Variants in SPTBN4 observed in about 807,000 individuals in gnomAD.
SPTBN4 encodes spectrin beta, non-erythrocytic 4.
In SPTBN4, 96 loss-of-function variants were observed where a neutral mutation model predicts 277.8. That is an observed-to-expected ratio of 0.35 (90% CI 0.29 to 0.41). The LOEUF (loss-of-function observed/expected upper bound fraction) is 0.41. Among genes scored for constraint, SPTBN4 ranks in the 10% least tolerant of loss-of-function variants. The pLI, the probability that SPTBN4 is intolerant of heterozygous loss-of-function variation, is 1.00. For synonymous variants in SPTBN4, 1,481 were observed against 1,580.3 expected, an observed-to-expected ratio of 0.94 and a Z score of 1.49; for missense variants, 3,006 against 3,595.7, an observed-to-expected ratio of 0.84 and a Z score of 4.19.
chr19:40,568,363 G>T lies in SPTBN4; in HGVS notation c.6956+81G>T, dbSNP rs866536174. The T allele has an allele frequency of 1.3e-5, 19 of 1,452,678 alleles. 1 individual carries two copies. In the Middle Eastern group the frequency reaches 2.8e-3, roughly 212 times the overall value. 90.0% of individuals were successfully genotyped at this position (1,452,678 alleles called of 1,614,324 possible). A position where few individuals can be genotyped will look rare whatever the true frequency, so the allele number is the denominator to read the frequency against. Reference sequence around the variant, plus strand: ...TAGAACCCCTCAGGCCCAGTGAAAGGGCTTCAGGGCTCAGAACTTCCCAAA... The same window carrying T: ...TAGAACCCCTCAGGCCCAGTGAAAGTGCTTCAGGGCTCAGAACTTCCCAAA... On this transcript the variant is annotated intron_variant, in intron 31 of 35. Transcript: ENST00000598249.
intron 17 of SPTBN4, among the ~76,000 whole-genome samples, chr19:40,528,404 G>A (rs1228515069): frequency 1.3e-5 from 2 of 152,150 alleles, no homozygotes; most frequent in African/African-American, 4.8e-5. Flanking sequence ...GCTTCTCTGC[G>A]ACTCTGCTGT....
intron 12 of SPTBN4, among the ~76,000 whole-genome samples, chr19:40,505,396 A>AAAAG (rs1373360398): frequency 1.4e-5 from 2 of 145,012 alleles, no homozygotes; most frequent in Admixed American, 6.9e-5. Flanking sequence ...AAAAAAAAAA[A>AAAAG]AAAAAAAAGA....
At chr19:40,498,408 TA>T (rs1452826626) in intron 7 of SPTBN4, among the ~76,000 whole-genome samples, 45 of 150,474 alleles carry the variant, frequency 3.0e-4, no homozygotes, top group African/African-American at 5.6e-4. Context: ...TTTATTTATT[TA>T]TTTATTTATT....
intron 20 of SPTBN4, among the ~76,000 whole-genome samples, chr19:40,541,750 CTTTA>C (rs1454407155): frequency 1.3e-5 from 2 of 151,996 alleles, no homozygotes; most frequent in East Asian, 1.9e-4. Flanking sequence ...CTCTCTGTCT[CTTTA>C]TTTATTTTGA....
chr19:40,571,034 AG>A (rs1222736352), intron 33 of SPTBN4: 3 of 374,060 alleles, frequency 8.0e-6, no homozygotes, highest in African/African-American at 4.3e-5. Flanking sequence ...ACCTAAGGTT[AG>A]TGCATCTAAT....
chr19:40,565,746 G>A lies in SPTBN4; in HGVS notation c.6139+1G>A. 1 of 1,551,586 alleles carries A rather than the reference G, an allele frequency of 6.4e-7. No homozygotes were observed. The highest frequency in any genetic ancestry group is 2.0e-5 in the Admixed American group (1 of 51,074). ...CGCCATTGGGAGTGGCTGCAGCAGAGTGAGTGGGGGCCCAGGCACACGTGG... is the reference window on the plus strand; with the variant it reads ...CGCCATTGGGAGTGGCTGCAGCAGAATGAGTGGGGGCCCAGGCACACGTGG... On this transcript the variant is annotated splice_donor_variant, in intron 29 of 35. Transcript: ENST00000598249. LOFTEE classifies it high-confidence loss of function.
intron 22 of SPTBN4, among the ~76,000 whole-genome samples, chr19:40,553,075 T>C (rs141957662): frequency 3.3e-5 from 5 of 152,220 alleles, no homozygotes; most frequent in African/African-American, 7.2e-5. Context: ...AAAATGGAGA[T>C]GGTAATGTTG....
In SPTBN4 at chr19:40,520,082, G is replaced by T. The variant is rs753878450; in HGVS notation, c.3585G>T (p.Leu1195=). Residue 1195 remains leucine (L), a synonymous_variant, in exon 16 of 36, where the codon CTG becomes CTT. Transcript: ENST00000598249. ...TGTGGGAGGCGCGCAGGGAGGCGCT[G>T]GTCCAGGCGCACATCTACCAGCTCT... The part of the protein sequence containing the change: ...LGLWEARREA[L]VQAHIYQLFL... The T allele has an allele frequency of 1.3e-6, 2 of 1,501,104 alleles. No individual in the cohort carries two copies. Among genetic ancestry groups the T allele is most frequent in the Non-Finnish European group, 1.8e-6 (2 of 1,129,558 alleles). 93.0% of individuals were successfully genotyped at this position (1,501,104 alleles called of 1,614,324 possible). A position where few individuals can be genotyped will look rare whatever the true frequency, so the allele number is the denominator to read the frequency against.
chr19:40,567,054 G>A (rs1233670528), intron 30 of SPTBN4: 1 of 450,614 alleles, frequency 2.2e-6, no homozygotes, highest in Non-Finnish European at 4.5e-6. Flanking sequence ...AGCCTAGGCG[G>A]GAGGATCACT....
intron 20 of SPTBN4, among the ~76,000 whole-genome samples, chr19:40,542,056 T>C (rs1046057127): frequency 6.6e-6 from 1 of 152,112 alleles, no homozygotes; most frequent in African/African-American, 2.4e-5. Context: ...CAAGTAGTTG[T>C]GATTACAGGC....
chr19:40,573,844 G>A (rs1368681708), intron 35 of SPTBN4, among the ~76,000 whole-genome samples: 2 of 152,038 alleles, frequency 1.3e-5, no homozygotes, highest in Non-Finnish European at 2.9e-5. Flanking sequence ...GCTCACGCCT[G>A]TAATCCCAGC....
At chr19:40,506,897 T>A (rs1459207567) in intron 13 of SPTBN4, among the ~76,000 whole-genome samples, 3 of 152,038 alleles carry the variant, frequency 2.0e-5, no homozygotes, top group African/African-American at 7.3e-5. Context: ...GGCAGGAGGC[T>A]CACTTGAGGC....
At chr19:40,474,816 C>T (rs765901090) in intron 2 of SPTBN4, among the ~76,000 whole-genome samples, 3 of 151,890 alleles carry the variant, frequency 2.0e-5, no homozygotes, top group African/African-American at 7.3e-5. Flanking sequence ...CACTTGAACC[C>T]GGGAGATGGG....
chr19:40,528,971 A>C (rs1347483701), intron 17 of SPTBN4, 70 bp from the exon 18 acceptor site: 2 of 1,202,728 alleles, frequency 1.7e-6, no homozygotes, highest in East Asian at 4.7e-5. Context: ...CAGTGCCCTC[A>C]CAGTCCTACT....
chr19:40,503,426 C>T (rs925995065), intron 11 of SPTBN4, among the ~76,000 whole-genome samples: 17 of 144,296 alleles, frequency 1.2e-4, no homozygotes, highest in African/African-American at 2.1e-4. Context: ...TCTGGGGAAA[C>T]GGGAAGGTGG....
chr19:40,512,816 C>G lies in SPTBN4; in HGVS notation c.2027C>G (p.Ala676Gly), dbSNP rs779051337. ...GAGGCTGCGGGCGGCGGCGGTGCGG[C>G]GGGCGCAGCGGGCGCAGCGGGAACA... ...LLEAAGGGGA[A>G]GAAGAAGTAG... The change falls in exon 14 of 36, where the codon GCG (alanine) becomes GGG (glycine). Residue 676 changes from alanine (A) to glycine (G), a missense_variant. Physicochemically the swap from Ala to Gly is moderately conservative, Grantham distance 60. This residue lies in a region of SPTBN4 where 1,759 missense variants were observed against 2,061.5 expected (regional missense o/e 0.85). Coordinates refer to ENST00000598249, the MANE Select transcript of SPTBN4 (RefSeq NM_020971.3). 7.6e-6 allele frequency: 11 copies of G among 1,441,518 alleles called. No individual in the cohort carries two copies. The South Asian group carries it at 1.6e-4, about 21-fold the overall frequency. 89.3% of individuals were successfully genotyped at this position (1,441,518 alleles called of 1,614,324 possible).
chr19:40,505,402 A>AAAAAAG (rs1555813994), intron 12 of SPTBN4, among the ~76,000 whole-genome samples: 1 of 145,544 alleles, frequency 6.9e-6, no homozygotes, highest in African/African-American at 2.6e-5. Flanking sequence ...AAAAAAAAAA[A>AAAAAAG]AAGAAGAAGC....
chr19:40,512,977 G>C lies in SPTBN4; in HGVS notation c.2188G>C (p.Gly730Arg), dbSNP rs1484767791. Residue 730 changes from glycine to arginine, a missense_variant, in exon 14 of 36, where the codon GGT becomes CGT. Gly to Arg is a moderately radical substitution (Grantham distance 125). Transcript: ENST00000598249. ...TGGCGAGGAGCTGGTTGCGGCCGGC[G>C]GTGCCGTCGGCCCGGGAGCAGACAC... ...RCGEELVAAG[G>R]AVGPGADTVH... 5 of 1,412,794 alleles carry C rather than the reference G, an allele frequency of 3.5e-6. No individual in the cohort carries two copies. The highest frequency in any genetic ancestry group is 4.6e-6 in the Non-Finnish European group (5 of 1,093,256). 87.5% of individuals were successfully genotyped at this position (1,412,794 alleles called of 1,614,324 possible). A position where few individuals can be genotyped will look rare whatever the true frequency, so the allele number is the denominator to read the frequency against.
At chr19:40,541,088 AT>A (rs2080796800) in intron 20 of SPTBN4, among the ~76,000 whole-genome samples, 2 of 151,914 alleles carry the variant, frequency 1.3e-5, no homozygotes, top group South Asian at 4.2e-4. Flanking sequence ...GTGTATTTGT[AT>A]TTTTTTCCAA....
Sources: gnomAD v4.1 joint callset for allele counts (sites outside exome capture counted in the v4.1 genomes callset) on GRCh38, gnomAD v4.1.1 for gene constraint, gnomAD v4.1.1 regional missense constraint, MANE v1.5 for transcripts, NCBI Gene and HGNC (gene_info 2026-07-23, HGNC 2026-07-21) for gene names.